The following CFAP46 variants were observed in gnomAD, a reference collection of about 807,000 sequenced individuals.
CFAP46 encodes the protein cilia and flagella associated protein 46.
Under a neutral mutation model 325.7 loss-of-function variants are expected in CFAP46, and 245 were observed. The ratio of observed to expected loss-of-function variants is 0.75; its 90% CI spans 0.68 to 0.84. The LOEUF (loss-of-function observed/expected upper bound fraction) is 0.84, where lower values mean the gene tolerates loss of function less well. CFAP46 is among the 40% of genes least tolerant of loss of function. CFAP46 has a pLI of 0.00. For synonymous variants in CFAP46, 1,523 were observed against 1,495.9 expected (o/e 1.02, Z -0.42); for missense variants, 3,346 against 3,543.0 (o/e 0.94, Z 1.41).
intron 57 of CFAP46, among the ~76,000 whole-genome samples, chr10:132,810,156 A>C (rs531725898): frequency 9.6e-4 from 146 of 152,312 alleles, no homozygotes; most frequent in Non-Finnish European, 5.9e-4. Context: ...TTCTGGAGCC[A>C]CGTGGCACTG....
intron 50 of CFAP46, among the ~76,000 whole-genome samples, chr10:132,823,326 C>T (rs1249952946): frequency 2.8e-5 from 2 of 70,724 alleles, no homozygotes; most frequent in East Asian, 1.1e-3. Context: ...CTGATGTGTG[C>T]GGTGTGCTGA....
At chr10:132,942,132 T>G in intron 1 of CFAP46, 28 bp from the exon 2 acceptor site, 1 of 1,550,908 alleles carries the variant, frequency 6.4e-7, no homozygotes. Context: ...TTGAGGAAGG[T>G]TTGGTCACTG....
rs1849356814 is a variant in CFAP46, at chr10:132,899,050, G to A, written c.3128C>T (p.Pro1043Leu). 6.4e-7 allele frequency: 1 copy of A among 1,550,596 alleles called. No homozygotes were observed. Among genetic ancestry groups the A allele is most frequent in the Admixed American group, 2.0e-5 (1 of 51,010 alleles). Reference sequence around the variant, plus strand: ...CCTGTAGACGGCTGAGGACAGCAGTGGGAGCCAGGCGTTCCAGTAATGCCG... The same window carrying A: ...CCTGTAGACGGCTGAGGACAGCAGTAGGAGCCAGGCGTTCCAGTAATGCCG... ...AARHYWNAWL[P>L]LLSSAVYRKK... Residue 1043 changes from proline (P) to leucine (L), a missense_variant, in exon 24 of 58, where the codon CCA becomes CTA. Physicochemically the swap from Pro to Leu is moderately conservative, Grantham distance 98 (BLOSUM62 -3). Transcript: ENST00000368586.
Position 132,835,401 on chromosome 10 carries a change from G to C in CFAP46, c.6647C>G (p.Pro2216Arg). 6.2e-7 allele frequency: 1 copy of C among 1,613,590 alleles called. No individual in the cohort carries two copies. Among genetic ancestry groups the C allele is most frequent in the Non-Finnish European group, 8.5e-7 (1 of 1,179,934 alleles). Residue 2216 changes from proline (P) to arginine (R), a missense_variant, in exon 47 of 58, where the codon CCC (proline) becomes CGC (arginine). Coordinates refer to ENST00000368586, the MANE Select transcript of CFAP46 (RefSeq NM_001200049.3). Reference sequence around the variant, plus strand: ...GGCCAGCAGGTGGGAGAAGGCAGTGGGACTTATGGCCAGACGCATCACCTT... The same window carrying C: ...GGCCAGCAGGTGGGAGAAGGCAGTGCGACTTATGGCCAGACGCATCACCTT... ...SCKVMRLAIS[P>R]TAFSHLLACA...
At chr10:132,822,492 T>C (rs1287416603) in intron 50 of CFAP46, among the ~76,000 whole-genome samples, 2 of 127,988 alleles carry the variant, frequency 1.6e-5, no homozygotes, top group African/African-American at 3.0e-5. Context: ...GTGCTGTGTG[T>C]GCTGATGTGT....
At chr10:132,918,927 C>G (rs1024454858) in intron 15 of CFAP46, among the ~76,000 whole-genome samples, 1 of 152,228 alleles carries the variant, frequency 6.6e-6, no homozygotes, top group Non-Finnish European at 1.5e-5. Flanking sequence ...ACAGGAGCCT[C>G]TCCAGGGCCG....
chr10:132,847,254 G>C lies in CFAP46; in HGVS notation c.6020C>G (p.Ser2007Cys). 4 of 1,613,442 alleles carry C rather than the reference G, an allele frequency of 2.5e-6. No homozygotes were observed. Among genetic ancestry groups the C allele is most frequent in the Non-Finnish European group, 3.4e-6 (4 of 1,179,942 alleles). The change falls in exon 42 of 58, where the codon TCC becomes TGC. Residue 2007 changes from serine (S) to cysteine (C), a missense_variant. Coordinates refer to ENST00000368586, the MANE Select transcript of CFAP46 (RefSeq NM_001200049.3). This position sits in a 1 kb window ranked among gnomAD's most constrained non-coding sequence, Gnocchi z 5.2. ...CCTGGAGGCCGGCGGGTCCCTGCTGGACTTTGTGGCACCCTCTTCCTCTAC... is the reference window on the plus strand; with the variant it reads ...CCTGGAGGCCGGCGGGTCCCTGCTGCACTTTGTGGCACCCTCTTCCTCTAC... Reference protein sequence around the residue: ...LEVEEEGATKSSRDPPASRAA... With the variant: ...LEVEEEGATKCSRDPPASRAA...
At chr10:132,824,827 CGCTGTGT>C (rs1564768237) in intron 50 of CFAP46, among the ~76,000 whole-genome samples, 2 of 102,150 alleles carry the variant, frequency 2.0e-5, no homozygotes, top group East Asian at 6.3e-4. Context: ...GCTGTCTGTG[CGCTGTGT>C]GCTGTGTGAG....
At position 132,850,327 on chromosome 10, in the gene CFAP46, C is replaced by A; in HGVS notation, c.5869G>T (p.Gly1957Cys). 1 of 1,552,844 alleles carries A rather than the reference C, an allele frequency of 6.4e-7. No individual in the cohort carries two copies. Among genetic ancestry groups the A allele is most frequent in the Middle Eastern group, 1.7e-4 (1 of 5,772 alleles). ...GCVEIRARLL[G>C]LAGRALHLLA... ...AGGTGCAGGGCCCTCCCGGCCAGGCCCAGGAGCCGGGCGCGGATCTCCACA... is the reference window on the plus strand; with the variant it reads ...AGGTGCAGGGCCCTCCCGGCCAGGCACAGGAGCCGGGCGCGGATCTCCACA... The change falls in exon 41 of 58, where the codon GGC becomes TGC. Residue 1957 changes from glycine (G) to cysteine (C), a missense_variant. By Grantham distance (159) the Gly-to-Cys change is radical. Transcript: ENST00000368586.
Position 132,869,394 on chromosome 10 carries a change from G to C in CFAP46, c.4512-22C>G, listed in dbSNP as rs1314623444. 1.1e-5 allele frequency: 17 copies of C among 1,510,142 alleles called. No individual in the cohort carries two copies. Among genetic ancestry groups the C allele is most frequent in the Non-Finnish European group, 1.3e-5 (15 of 1,127,456 alleles). The allele number at this position is 1,510,142 out of a possible 1,614,324, so 93.5% of individuals were successfully genotyped here. A position where few individuals can be genotyped will look rare whatever the true frequency, so the allele number is the denominator to read the frequency against. ...GAGGCTGTGGGGAGTGTGGCCGAAA[G>C]AGTCAGTGTTGCACGGGCGCAGAGG... On this transcript the variant is annotated intron_variant, in intron 32 of 57. Coordinates refer to ENST00000368586, the MANE Select transcript of CFAP46 (RefSeq NM_001200049.3). The surrounding 1 kb of genome is among the most constrained non-coding windows in gnomAD (Gnocchi z 6.2).
chr10:132,872,803 C>T lies in CFAP46; in HGVS notation c.4384G>A (p.Asp1462Asn). ...TTCTGCAGGGCCTTGACCAGGTGGT[C>T]CAGGAAATACAAACTGTATGTCTAC... The part of the protein sequence containing the change: ...QKPTYSLYFL[D>N]HLVKALQKMC... The change falls in exon 32 of 58, where the codon GAC becomes AAC. Residue 1462 changes from aspartate (D) to asparagine (N), a missense_variant. Coordinates refer to ENST00000368586, the MANE Select transcript of CFAP46 (RefSeq NM_001200049.3). 1 of 1,551,068 alleles carries T rather than the reference C, an allele frequency of 6.4e-7. No individual in the cohort carries two copies. The highest frequency in any genetic ancestry group is 8.7e-7 in the Non-Finnish European group (1 of 1,147,104).
chr10:132,812,171 C>G (rs2134752675), intron 55 of CFAP46, among the ~76,000 whole-genome samples: 1 of 152,342 alleles, frequency 6.6e-6, no homozygotes, highest in African/African-American at 2.4e-5. Flanking sequence ...TCCGTCAGCA[C>G]TACCCTTGGG....
At position 132,886,056 on chromosome 10, in the gene CFAP46, T is replaced by C. The variant is rs1177188198; in HGVS notation, c.3305-97A>G. ...ACTAAGCTGCCCATCACAGTGCCCC[T>C]GAGGTGGAACCGCGGCTACAGAGGT... On this transcript the variant is annotated intron_variant, in intron 25 of 57. Coordinates refer to ENST00000368586, the MANE Select transcript of CFAP46 (RefSeq NM_001200049.3). The surrounding 1 kb of genome is among the most constrained non-coding windows in gnomAD (Gnocchi z 5.8). The C allele has an allele frequency of 6.8e-7, 1 of 1,464,354 alleles. No individual in the cohort carries two copies. The highest frequency in any genetic ancestry group is 9.2e-7 in the Non-Finnish European group (1 of 1,086,376). 90.7% of individuals were successfully genotyped at this position (1,464,354 alleles called of 1,614,324 possible).
At chr10:132,818,856 G>GAAAAAAAAAAAAA (rs560908251) in intron 50 of CFAP46, among the ~76,000 whole-genome samples, 2 of 84,754 alleles carry the variant, frequency 2.4e-5, no homozygotes, top group Admixed American at 1.3e-4. Flanking sequence ...TCCATCTCCA[G>GAAAAAAAAAAAAA]AAAAAAAAAA....
chr10:132,834,422 T>G (rs1277372063), intron 48 of CFAP46, among the ~76,000 whole-genome samples: 1 of 152,038 alleles, frequency 6.6e-6, no homozygotes, highest in African/African-American at 2.4e-5. Context: ...CACCCCACAC[T>G]TGGGCCAGGG....
Position 132,869,711 on chromosome 10 carries a change from T to C in CFAP46, c.4512-339A>G, listed in dbSNP as rs1324569423. ...AAGCCTCGACTCCTGTTGAAAACCC[T>C]ATTCTTGTAAAATGCTTTCAGGCAA... On this transcript the variant is annotated intron_variant, in intron 32 of 57. Transcript: ENST00000368586. This position sits in a 1 kb window ranked among gnomAD's most constrained non-coding sequence, Gnocchi z 6.2. Among the ~76,000 whole-genome samples the C allele has an allele frequency of 6.6e-6, 1 of 152,122 alleles. No homozygotes were observed. Among genetic ancestry groups the C allele is most frequent in the Non-Finnish European group, 1.5e-5 (1 of 68,022 alleles).
chr10:132,922,276 C>T, intron 12 of CFAP46, 52 bp from the exon 13 acceptor site: 1 of 1,522,670 alleles, frequency 6.6e-7, no homozygotes, highest in Non-Finnish European at 8.9e-7. Context: ...TTCCACAGCA[C>T]CTTCTCCAAC....
At chr10:132,878,350 A>G (rs1161832048) in intron 29 of CFAP46, among the ~76,000 whole-genome samples, 1 of 152,052 alleles carries the variant, frequency 6.6e-6, no homozygotes, top group East Asian at 1.9e-4. Flanking sequence ...GTCTCACTCC[A>G]CTGTCAGGGA....
intron 50 of CFAP46, among the ~76,000 whole-genome samples, chr10:132,826,495 G>A (rs1334726781): frequency 4.6e-5 from 6 of 131,128 alleles, no homozygotes; most frequent in Admixed American, 8.1e-5. Context: ...GGCAGGAGCC[G>A]GAGCCACGGA....
Sources: allele counts gnomAD v4.1 joint callset (sites outside exome capture counted in the v4.1 genomes callset), GRCh38; gene constraint gnomAD v4.1.1; non-coding constraint Gnocchi (gnomAD v3.1); transcripts MANE v1.5; gene names NCBI Gene and HGNC (gene_info 2026-07-23, HGNC 2026-07-21).